Variants in VPS13B observed in about 807,000 individuals in gnomAD.
VPS13B encodes the protein vacuolar protein sorting 13 homolog B.
In VPS13B, 285 loss-of-function variants were observed where a neutral mutation model predicts 426.4. The ratio of observed to expected loss-of-function variants is 0.67; its 90% CI spans 0.61 to 0.74. VPS13B has a LOEUF of 0.74. Among genes scored for constraint, VPS13B ranks in the 30% least tolerant of loss-of-function variants. The pLI is 0.00. For synonymous variants in VPS13B, 1,676 were observed against 1,676.4 expected, an observed-to-expected ratio of 1.00 and a Z score of 0.01; for missense variants, 4,537 against 4,782.6, an observed-to-expected ratio of 0.95 and a Z score of 1.51.
rs1057516660 is a variant in VPS13B at position 99,766,903 on chromosome 8, A to C, written c.7180A>C (p.Lys2394Gln). The change falls in exon 40 of 62, where the codon AAA (lysine) becomes CAA (glutamine). Residue 2394 changes from lysine to glutamine, a missense_variant. This residue lies in a region of VPS13B where 4,311 missense variants were observed against 4,474.3 expected (regional missense o/e 0.96). Transcript: ENST00000357162. ...PDINLVNDQK[K>Q]LVSSDLWRIV... The stretch of plus-strand genomic sequence containing the variant: ...TATCAATCTCGTGAATGACCAGAAG[A>C]AATTAGTATCTTCAGATCTTTGGAG... The C allele has an allele frequency of 1.2e-6, 2 of 1,614,082 alleles. No individual in the cohort carries two copies. Among genetic ancestry groups the C allele is most frequent in the South Asian group, 1.1e-5 (1 of 91,084 alleles).
At chr8:99,855,174 A>G (rs927430833) in intron 56 of VPS13B, among the ~76,000 whole-genome samples, 1 of 152,188 alleles carries the variant, frequency 6.6e-6, no homozygotes, top group Admixed American at 6.5e-5. Flanking sequence ...ACGGGAGTTC[A>G]AGACCAGCTT....
At chr8:99,870,480 C>CAATT (rs1396473067) in intron 59 of VPS13B, among the ~76,000 whole-genome samples, 3 of 152,154 alleles carry the variant, frequency 2.0e-5, no homozygotes, top group African/African-American at 7.2e-5. Flanking sequence ...TTTAACACAT[C>CAATT]AATTAAAATG....
chr8:99,554,406 T>G (rs1824439717), intron 30 of VPS13B, among the ~76,000 whole-genome samples: 2 of 152,150 alleles, frequency 1.3e-5, no homozygotes, highest in Non-Finnish European at 2.9e-5. Context: ...TCAGAATTTA[T>G]GTGGCCCTGA....
intron 20 of VPS13B, among the ~76,000 whole-genome samples, chr8:99,386,077 T>C (rs1310361160): frequency 1.3e-5 from 2 of 152,168 alleles, no homozygotes; most frequent in Non-Finnish European, 2.9e-5. Flanking sequence ...GAATGGGTGA[T>C]ACAGAAGTTA....
At chr8:99,380,740 G>C (rs3105167) in intron 19 of VPS13B, among the ~76,000 whole-genome samples, 40,664 of 151,360 alleles carry the variant, frequency 0.27, 6,015 homozygotes, top group East Asian at 0.43. Flanking sequence ...GTTATTAATA[G>C]TAATTTTCCC....
intron 30 of VPS13B, among the ~76,000 whole-genome samples, chr8:99,537,980 G>A (rs973803439): frequency 2.6e-5 from 4 of 152,154 alleles, no homozygotes; most frequent in African/African-American, 9.7e-5. Context: ...CCTAGTGATT[G>A]TGATTCTCAT....
At chr8:99,371,296 A>T (rs1215809495) in intron 19 of VPS13B, among the ~76,000 whole-genome samples, 4 of 152,224 alleles carry the variant, frequency 2.6e-5, no homozygotes, top group African/African-American at 9.7e-5. Flanking sequence ...AAATGGAATT[A>T]GTAAAAAGGT....
chr8:99,577,567 T>C lies in VPS13B; in HGVS notation c.5154T>C (p.Val1718=), dbSNP rs1235245438. Residue 1718 remains valine, a synonymous_variant, in exon 33 of 62, where the codon GTT becomes GTC. Coordinates refer to ENST00000357162, the MANE Select transcript of VPS13B (RefSeq NM_152564.5). ...NLDFFLSVAQ[V]QLLHQLIVAN... ...ACTTCTTCCTAAGTGTGGCTCAAGT[T>C]CAACTCTTACATCAGTTAATAGTAG... is the stretch of plus-strand genomic sequence containing the variant. 3 of 1,613,774 alleles carry C rather than the reference T, an allele frequency of 1.9e-6. No individual in the cohort carries two copies. In the African/African-American group the frequency reaches 4.0e-5, roughly 22 times the overall value.
intron 40 of VPS13B, among the ~76,000 whole-genome samples, chr8:99,772,990 CTAAAGA>C (rs1264100485): frequency 2.6e-5 from 4 of 152,168 alleles, no homozygotes; most frequent in Non-Finnish European, 4.4e-5. Context: ...TCTTAGGAAG[CTAAAGA>C]TAATCAATTA....
At chr8:99,220,800 T>TA (rs1554678870) in intron 17 of VPS13B, among the ~76,000 whole-genome samples, 2 of 132,782 alleles carry the variant, frequency 1.5e-5, no homozygotes, top group African/African-American at 2.8e-5. Context: ...TTTTTTTTTT[T>TA]ATTATACTCT....
At chr8:99,328,385 T>A (rs1445882851) in intron 19 of VPS13B, among the ~76,000 whole-genome samples, 1 of 152,154 alleles carries the variant, frequency 6.6e-6, no homozygotes, top group Non-Finnish European at 1.5e-5. Flanking sequence ...AAAAATTCTG[T>A]GGGAACTATT....
At chr8:99,283,642 T>C (rs896759030) in intron 19 of VPS13B, among the ~76,000 whole-genome samples, 1 of 152,168 alleles carries the variant, frequency 6.6e-6, no homozygotes, top group Non-Finnish European at 1.5e-5. Flanking sequence ...TGCATGTGTT[T>C]CCACAGTCAA....
Position 99,661,413 on chromosome 8 carries a change from C to T in VPS13B, c.5968C>T (p.Pro1990Ser). The T allele has an allele frequency of 6.2e-7, 1 of 1,613,666 alleles. No homozygotes were observed. The highest frequency in any genetic ancestry group is 1.1e-5 in the South Asian group (1 of 91,076). ...TTGCACTGTTTGGCTACAGACAGTG[C>T]CTGGAGAAATAGACAGCAAAAGTGG... is the stretch of plus-strand genomic sequence containing the variant. ...DYCTVWLQTV[P>S]GEIDSKSGIP... Residue 1990 changes from proline (P) to serine (S), a missense_variant, in exon 35 of 62, where the codon CCT (proline) becomes TCT (serine). Physicochemically the swap from Pro to Ser is moderately conservative, Grantham distance 74. Transcript: ENST00000357162.
At chr8:99,212,434 G>A (rs1815142957) in intron 17 of VPS13B, among the ~76,000 whole-genome samples, 1 of 152,180 alleles carries the variant, frequency 6.6e-6, no homozygotes, top group Non-Finnish European at 1.5e-5. Context: ...CTTTTCCTTG[G>A]AAAGTGTGCT....
At chr8:99,424,244 T>C (rs1816552153) in intron 21 of VPS13B, 1 of 152,186 alleles carries the variant, frequency 6.6e-6, no homozygotes, top group African/African-American at 2.4e-5. Flanking sequence ...TGCTTTTTTT[T>C]TTGTTTTCCA....
In VPS13B at chr8:99,263,684, G is replaced by C. The variant is rs556019131; in HGVS notation, c.2516-10514G>C. On this transcript the variant is annotated intron_variant, in intron 17 of 61. Coordinates refer to ENST00000357162, the MANE Select transcript of VPS13B (RefSeq NM_152564.5). ...TTTTGCCTTCTCCTACTACTTTTAA[G>C]GATTCTTCTGATTACGTTGGGTTCA... Among the ~76,000 whole-genome samples, 17 of 152,120 alleles carry C rather than the reference G, an allele frequency of 1.1e-4. 1 individual carries two copies. In the South Asian group the frequency reaches 1.9e-3, roughly 17 times the overall value.
At chr8:99,104,970 T>A (rs1032903474) in intron 5 of VPS13B, among the ~76,000 whole-genome samples, 2 of 152,184 alleles carry the variant, frequency 1.3e-5, no homozygotes, top group African/African-American at 2.4e-5. Flanking sequence ...CTCTTTTTAA[T>A]GTTTAGTCAT....
At chr8:99,265,247 A>G (rs1463513115) in intron 17 of VPS13B, among the ~76,000 whole-genome samples, 1 of 152,190 alleles carries the variant, frequency 6.6e-6, no homozygotes, top group Non-Finnish European at 1.5e-5. Context: ...TTCATATTGC[A>G]GAATGAAGTA....
chr8:99,142,902 G>A (rs957946067), intron 12 of VPS13B, 72 bp from the exon 13 acceptor site: 2 of 1,485,262 alleles, frequency 1.3e-6, no homozygotes, highest in East Asian at 2.5e-5. Flanking sequence ...AAAAATGAGA[G>A]AAGAGCGATT....
Sources: allele counts gnomAD v4.1 joint callset (sites outside exome capture counted in the v4.1 genomes callset), GRCh38; gene constraint gnomAD v4.1.1; regional missense constraint gnomAD v4.1.1; transcripts MANE v1.5; gene names NCBI Gene and HGNC (gene_info 2026-07-23, HGNC 2026-07-21).